The following UHRF2 variants were observed in gnomAD, a reference collection of about 807,000 sequenced individuals.
UHRF2 encodes the protein ubiquitin like with PHD and ring finger domains 2, also known as E3 ubiquitin-protein ligase UHRF2.
A neutral mutation model predicts 96.8 loss-of-function variants in UHRF2; 23 were observed. The observed-to-expected ratio is 0.24, with a 90% CI of 0.17 to 0.34. The LOEUF is 0.34. Ranked by LOEUF, UHRF2 falls within the 10% of genes least tolerant of loss-of-function variation. The probability of loss-of-function intolerance (pLI) is 1.00; values close to 1 mark genes in which losing one functional copy is unlikely to be tolerated. For synonymous variants in UHRF2, 385 were observed against 332.6 expected, an observed-to-expected ratio of 1.16 and a Z score of -1.72; for missense variants, 685 against 981.5, an observed-to-expected ratio of 0.70 and a Z score of 4.04.
chr9:6,482,956 C>T (rs1341313903), intron 8 of UHRF2, among the ~76,000 whole-genome samples: 2 of 152,070 alleles, frequency 1.3e-5, no homozygotes, highest in Admixed American at 6.5e-5. Flanking sequence ...AGATAACATA[C>T]ACTTATCCCT....
At chr9:6,419,505 T>C (rs1428522280) in intron 1 of UHRF2, among the ~76,000 whole-genome samples, 1 of 152,132 alleles carries the variant, frequency 6.6e-6, no homozygotes, top group Non-Finnish European at 1.5e-5. Context: ...CTACTGATAA[T>C]GCTTTAGAAA....
intron 10 of UHRF2, chr9:6,494,213 A>G (rs1824836501): frequency 3.3e-6 from 1 of 301,296 alleles, no homozygotes; most frequent in African/African-American, 2.2e-5. Context: ...AATTTAAGTG[A>G]AATTGAGAAT....
At chr9:6,476,743 C>T (rs934994837) in intron 5 of UHRF2, among the ~76,000 whole-genome samples, 1 of 151,974 alleles carries the variant, frequency 6.6e-6, no homozygotes, top group Non-Finnish European at 1.5e-5. Context: ...TACAGGCACC[C>T]ACCACCATGC....
At position 6,413,625 on chromosome 9, in the gene UHRF2, C is replaced by T. The variant is rs573040314; in HGVS notation, c.135C>T (p.Leu45=). Residue 45 remains leucine, a synonymous_variant, in exon 1 of 16, where the codon CTC becomes CTT. Coordinates refer to ENST00000276893, the MANE Select transcript of UHRF2 (RefSeq NM_152896.3). ...LFDVRPECQR[L]FYRGKQLENG... Reference sequence around the variant, plus strand: ...ACGTGCGGCCCGAATGCCAGCGCCTCTTCTACCGGGGCAAGCAGGTGAGGC... The same window carrying T: ...ACGTGCGGCCCGAATGCCAGCGCCTTTTCTACCGGGGCAAGCAGGTGAGGC... The T allele has an allele frequency of 1.0e-4, 159 of 1,594,832 alleles. No individual in the cohort carries two copies. The highest frequency in any genetic ancestry group is 6.9e-4 in the Admixed American group (40 of 57,666).
intron 3 of UHRF2, among the ~76,000 whole-genome samples, chr9:6,456,378 G>C (rs1472723151): frequency 1.3e-5 from 2 of 152,048 alleles, no homozygotes; most frequent in African/African-American, 4.8e-5. Context: ...CTTTTTGATG[G>C]GGTGGTTTGT....
chr9:6,498,151 G>A lies in UHRF2; in HGVS notation c.1901G>A (p.Arg634His), dbSNP rs761823113. 6.8e-6 allele frequency: 11 copies of A among 1,613,006 alleles called. No homozygotes were observed. Among genetic ancestry groups the A allele is most frequent in the East Asian group, 4.5e-5 (2 of 44,864 alleles). ...GIERSRRLCL[R>H]LQYPAGYPSD... ...GAACGGTCAAGGAGATTATGTCTAC[G>A]TTTACAGGTTAGATTACATTTGTCT... Residue 634 changes from arginine (R) to histidine (H), a missense_variant, in exon 12 of 16, where the codon CGT (arginine) becomes CAT (histidine). Coordinates refer to ENST00000276893, the MANE Select transcript of UHRF2 (RefSeq NM_152896.3).
intron 3 of UHRF2, among the ~76,000 whole-genome samples, chr9:6,441,065 C>A (rs1563757996): frequency 6.6e-6 from 1 of 152,180 alleles, no homozygotes; most frequent in Non-Finnish European, 1.5e-5. Context: ...TGGCCAGGAG[C>A]ATCAGCACCA....
chr9:6,465,644 G>A (rs944068668), intron 4 of UHRF2, among the ~76,000 whole-genome samples: 5 of 151,940 alleles, frequency 3.3e-5, no homozygotes, highest in African/African-American at 1.2e-4. Context: ...TCTGAATTTA[G>A]TTTGTGACTT....
At chr9:6,431,417 G>A (rs1299810691) in intron 2 of UHRF2, among the ~76,000 whole-genome samples, 1 of 152,046 alleles carries the variant, frequency 6.6e-6, no homozygotes, top group Non-Finnish European at 1.5e-5. Flanking sequence ...AAACCAGCCT[G>A]GGCAACATAG....
intron 4 of UHRF2, among the ~76,000 whole-genome samples, chr9:6,469,053 A>G (rs1269777359): frequency 2.0e-5 from 3 of 152,240 alleles, no homozygotes; most frequent in Non-Finnish European, 4.4e-5. Context: ...TTATGGGAAT[A>G]GACCCATAGG....
At chr9:6,470,984 TTAAAA>T (rs1210057127) in intron 4 of UHRF2, among the ~76,000 whole-genome samples, 1 of 152,004 alleles carries the variant, frequency 6.6e-6, no homozygotes, top group Non-Finnish European at 1.5e-5. Flanking sequence ...ACAAACTAGA[TTAAAA>T]TAAAAAAATC....
chr9:6,500,756 G>C, intron 14 of UHRF2, 47 bp downstream of exon 14: 2 of 1,524,528 alleles, frequency 1.3e-6, no homozygotes, highest in Non-Finnish European at 1.8e-6. Context: ...ATTAACAAAT[G>C]ATAAATAATT....
rs1013956643 is a variant in UHRF2, at chr9:6,437,674, G to C, written c.644+3501G>C. On this transcript the variant is annotated intron_variant, in intron 3 of 15. Transcript: ENST00000276893. Reference sequence around the variant, plus strand: ...GCACTGTGGCCCAGGCTGGAGTGCAGTGGTGCGATCTCAGGTCACTGCAAC... The same window carrying C: ...GCACTGTGGCCCAGGCTGGAGTGCACTGGTGCGATCTCAGGTCACTGCAAC... 4.7e-4 allele frequency among the ~76,000 whole-genome samples: 72 copies of C among 152,144 alleles called. 1 individual carries two copies. The highest frequency in any genetic ancestry group is 1.5e-3 in the African/African-American group (64 of 41,428).
intron 3 of UHRF2, among the ~76,000 whole-genome samples, chr9:6,441,900 G>A (rs1821186085): frequency 6.6e-6 from 1 of 152,014 alleles, no homozygotes; most frequent in South Asian, 2.1e-4. Flanking sequence ...AGAAATTAAT[G>A]TCCATAATGT....
chr9:6,453,137 C>T (rs971112649), intron 3 of UHRF2, among the ~76,000 whole-genome samples: 2 of 152,192 alleles, frequency 1.3e-5, no homozygotes, highest in Non-Finnish European at 2.9e-5. Flanking sequence ...ATATAATTCT[C>T]TCCTGAGTTT....
At chr9:6,490,380 C>T in intron 9 of UHRF2, among the ~76,000 whole-genome samples, 1 of 152,212 alleles carries the variant, frequency 6.6e-6, no homozygotes, top group East Asian at 1.9e-4. Context: ...GTAATCTCAG[C>T]ACTTTCGGAG....
At chr9:6,470,635 A>G (rs1418029873) in intron 4 of UHRF2, among the ~76,000 whole-genome samples, 1 of 152,262 alleles carries the variant, frequency 6.6e-6, no homozygotes, top group African/African-American at 2.4e-5. Flanking sequence ...TAAAATATAC[A>G]TAGAAAAAAA....
intron 4 of UHRF2, chr9:6,468,658 G>A (rs1318047786): frequency 2.2e-6 from 1 of 456,046 alleles, no homozygotes; most frequent in Admixed American, 2.3e-5. Context: ...TCACCTTTGG[G>A]CTTTGGTTGA....
At chr9:6,495,935 C>G (rs1476719397) in intron 10 of UHRF2, 1 of 151,626 alleles carries the variant, frequency 6.6e-6, no homozygotes, top group African/African-American at 2.4e-5. Flanking sequence ...TAATAGTAGC[C>G]CTAGAGTTGA....
Sources: allele counts gnomAD v4.1 joint callset (sites outside exome capture counted in the v4.1 genomes callset), GRCh38; gene constraint gnomAD v4.1.1; transcripts MANE v1.5; gene names NCBI Gene and HGNC (gene_info 2026-07-23, HGNC 2026-07-21).